The following SPTBN1 variants were observed in gnomAD, a reference collection of about 807,000 sequenced individuals.
SPTBN1 encodes spectrin beta, non-erythrocytic 1.
SPTBN1 carries 32 observed loss-of-function variants against 266.4 expected under a neutral mutation model. The observed-to-expected ratio is 0.12, with a 90% CI of 0.09 to 0.16. The LOEUF is 0.16. Ranked by LOEUF, SPTBN1 falls within the 10% of genes least tolerant of loss-of-function variation. The probability of loss-of-function intolerance (pLI) is 1.00; values close to 1 mark genes in which losing one functional copy is unlikely to be tolerated. For missense variants in SPTBN1, 2,296 were observed against 3,067.1 expected (o/e 0.75, Z 5.94); for synonymous variants, 1,336 against 1,162.2 (o/e 1.15, Z -3.04).
At chr2:54,630,180 T>G in intron 15 of SPTBN1, 151 bp downstream of exon 15, 1 of 1,077,514 alleles carries the variant, frequency 9.3e-7, no homozygotes. Flanking sequence ...CCTTTTGACA[T>G]GTCCTTGTTT....
At chr2:54,550,539 C>T (rs981421120) in intron 2 of SPTBN1, among the ~76,000 whole-genome samples, 20 of 152,184 alleles carry the variant, frequency 1.3e-4, no homozygotes, top group African/African-American at 4.8e-4. Flanking sequence ...TGGCACATGT[C>T]AGCAGGGATT....
rs780362226 is a variant in SPTBN1, at chr2:54,649,233, G to C, written c.5202+43G>C. On this transcript the variant is annotated intron_variant, in intron 25 of 35. Coordinates refer to ENST00000356805, the MANE Select transcript of SPTBN1 (RefSeq NM_003128.3). This position sits in a 1 kb window ranked among gnomAD's most constrained non-coding sequence, Gnocchi z 6.7. ...TGCATGAGTTGGTTGTGCAGTAAGC[G>C]ATGGTGTGGAAGGCCATTTGCATTC... is the stretch of plus-strand genomic sequence containing the variant. The C allele has an allele frequency of 1.3e-6, 2 of 1,553,790 alleles. No homozygotes were observed. The highest frequency in any genetic ancestry group is 1.8e-5 in the Admixed American group (1 of 56,538).
At chr2:54,660,393 T>C in intron 32 of SPTBN1, 4 of 1,126,318 alleles carry the variant, frequency 3.6e-6, no homozygotes, top group Non-Finnish European at 4.4e-6. Flanking sequence ...AGAAGAAAAC[T>C]AGAATCTAAC....
rs1247263177 is a variant in SPTBN1 at position 54,645,796 on chromosome 2, A to G, written c.4495-132A>G. ...GGAGAACAAGGGCGTGCTTCCCCAG[A>G]CAGCCCTCCCGAGGGGGCTGAGCAC... On this transcript the variant is annotated intron_variant, in intron 21 of 35. Transcript: ENST00000356805. The surrounding 1 kb of genome is among the most constrained non-coding windows in gnomAD (Gnocchi z 4.3). 6.5e-6 allele frequency: 6 copies of G among 926,132 alleles called. No homozygotes were observed. Among genetic ancestry groups the G allele is most frequent in the Admixed American group, 2.3e-5 (1 of 44,268 alleles). The allele number at this position is 926,132 out of a possible 1,614,324, so 57.4% of individuals were successfully genotyped here.
chr2:54,511,590 A>G (rs1201434212), intron 1 of SPTBN1, among the ~76,000 whole-genome samples: 1 of 152,132 alleles, frequency 6.6e-6, no homozygotes, highest in Non-Finnish European at 1.5e-5. Context: ...CTGGCCGGAC[A>G]TGGTGGCTCA....
intron 24 of SPTBN1, 27 bp downstream of exon 24, chr2:54,647,288 C>A (rs1019690779): frequency 2.5e-6 from 4 of 1,610,788 alleles, no homozygotes; most frequent in Non-Finnish European, 3.4e-6. Flanking sequence ...GAGTGTGAGA[C>A]CCGGCTCTCG....
At chr2:54,588,536 A>G (rs925483424) in intron 2 of SPTBN1, among the ~76,000 whole-genome samples, 7 of 152,208 alleles carry the variant, frequency 4.6e-5, no homozygotes, top group Admixed American at 6.5e-5. Context: ...TGCTAGCAGC[A>G]TGCCCTCGGG....
At chr2:54,476,528 C>G (rs112918555) in intron 1 of SPTBN1, among the ~76,000 whole-genome samples, 2 of 152,164 alleles carry the variant, frequency 1.3e-5, no homozygotes, top group African/African-American at 2.4e-5. Context: ...TAGTGAAGGT[C>G]GTCTCCGAGC....
At chr2:54,563,722 G>C (rs1673483828) in intron 2 of SPTBN1, among the ~76,000 whole-genome samples, 1 of 143,766 alleles carries the variant, frequency 7.0e-6, no homozygotes, top group African/African-American at 2.6e-5. Flanking sequence ...TCCTGCCTCA[G>C]TCTCCTGAGT....
chr2:54,643,274 C>T (rs892048224), intron 19 of SPTBN1, 145 bp downstream of exon 19: 92 of 1,240,560 alleles, frequency 7.4e-5, no homozygotes, highest in East Asian at 6.9e-4. Flanking sequence ...TCCCTTTGCA[C>T]GTACGGGTTC....
intron 2 of SPTBN1, among the ~76,000 whole-genome samples, chr2:54,576,223 G>A (rs1674467735): frequency 6.6e-6 from 1 of 151,636 alleles, no homozygotes; most frequent in Admixed American, 6.6e-5. Flanking sequence ...CCCGGCTAAT[G>A]TTTGTATTTT....
chr2:54,617,539 C>A, intron 5 of SPTBN1, 69 bp from the exon 6 acceptor site: 2 of 1,456,398 alleles, frequency 1.4e-6, no homozygotes, highest in Admixed American at 1.8e-5. Flanking sequence ...ATTAACAAAG[C>A]ACTTGGCAAA....
At chr2:54,551,302 T>G (rs574810358) in intron 2 of SPTBN1, among the ~76,000 whole-genome samples, 1 of 152,326 alleles carries the variant, frequency 6.6e-6, no homozygotes, top group Non-Finnish European at 1.5e-5. Context: ...ACTGCATTCC[T>G]CAGATGTTCT....
chr2:54,666,150 T>G, intron 34 of SPTBN1, 62 bp downstream of exon 34: 1 of 1,514,788 alleles, frequency 6.6e-7, no homozygotes. Flanking sequence ...ACTCTGGGGT[T>G]TGGTTTTCTT....
At position 54,670,433 on chromosome 2, in the gene SPTBN1, C is replaced by T. The variant is rs983302152; in HGVS notation, c.*1864C>T. ...CCTAAGGTGGCATCAGCCCTGGGCT[C>T]CACAGCTGCGTGGCATCAAAGCTTT... On this transcript the variant is annotated 3_prime_UTR_variant, in exon 36 of 36. Transcript: ENST00000356805. The T allele has an allele frequency of 5.7e-6, 2 of 353,914 alleles. No individual in the cohort carries two copies. Among genetic ancestry groups the T allele is most frequent in the African/African-American group, 2.1e-5 (1 of 47,848 alleles). The allele number at this position is 353,914 out of a possible 1,614,324, so 21.9% of individuals were successfully genotyped here.
rs920937396 is a variant in SPTBN1, at chr2:54,669,351, A to G, written c.*782A>G. 1.3e-5 allele frequency: 2 copies of G among 152,614 alleles called. No homozygotes were observed. The highest frequency in any genetic ancestry group is 2.4e-5 in the African/African-American group (1 of 41,442). 9.5% of individuals were successfully genotyped at this position (152,614 alleles called of 1,614,324 possible). A position where few individuals can be genotyped will look rare whatever the true frequency, so the allele number is the denominator to read the frequency against. The stretch of plus-strand genomic sequence containing the variant: ...CCTTTAAATCATTGGTAAGTGTACA[A>G]GTGGTGGAACTGAAGCATTTACTGG... On this transcript the variant is annotated 3_prime_UTR_variant, in exon 36 of 36. Coordinates refer to ENST00000356805, the MANE Select transcript of SPTBN1 (RefSeq NM_003128.3).
intron 1 of SPTBN1, among the ~76,000 whole-genome samples, chr2:54,477,384 G>A (rs1293690148): frequency 4.0e-5 from 6 of 150,334 alleles, no homozygotes; most frequent in Admixed American, 2.0e-4. Context: ...CCAGACTTTC[G>A]GATTTGTGGC....
chr2:54,623,665 G>T, intron 10 of SPTBN1, 69 bp downstream of exon 10: 2 of 1,256,870 alleles, frequency 1.6e-6, no homozygotes, highest in Non-Finnish European at 2.3e-6. Flanking sequence ...ACTAGGTCTC[G>T]ACTGCTAAGA....
intron 2 of SPTBN1, among the ~76,000 whole-genome samples, chr2:54,539,170 A>G (rs1424355780): frequency 6.6e-6 from 1 of 152,164 alleles, no homozygotes; most frequent in Non-Finnish European, 1.5e-5. Flanking sequence ...TGACAGTGGT[A>G]ACATTTGTTT....
Sources: allele counts gnomAD v4.1 joint callset (sites outside exome capture counted in the v4.1 genomes callset), GRCh38; gene constraint gnomAD v4.1.1; non-coding constraint Gnocchi (gnomAD v3.1); transcripts MANE v1.5; gene names NCBI Gene and HGNC (gene_info 2026-07-23, HGNC 2026-07-21).